Variants in DST observed in about 807,000 individuals in gnomAD.
DST encodes dystonin, also known as bullous pemphigoid antigen.
DST carries 253 observed loss-of-function variants against 875.2 expected under a neutral mutation model. The ratio of observed to expected loss-of-function variants is 0.29; its 90% CI spans 0.26 to 0.32. DST has a LOEUF of 0.32. Among genes scored for constraint, DST ranks in the 10% least tolerant of loss-of-function variants. The pLI is 1.00. For missense variants in DST, 8,287 were observed against 9,111.6 expected, an observed-to-expected ratio of 0.91 and a Z score of 3.68; for synonymous variants, 3,124 against 3,197.1, an observed-to-expected ratio of 0.98 and a Z score of 0.77.
At chr6:56,840,894 T>C (rs1472058148) in intron 4 of DST, among the ~76,000 whole-genome samples, 1 of 152,234 alleles carries the variant, frequency 6.6e-6, no homozygotes, top group Non-Finnish European at 1.5e-5. Context: ...ACTCAACAGC[T>C]GAGGCATATG....
chr6:56,871,776 T>TAAAAAAAAAAAAAAAAAAGA (rs1777243294), intron 3 of DST: 7 of 95,504 alleles, frequency 7.3e-5, no homozygotes, highest in Non-Finnish European at 1.1e-4. Flanking sequence ...CAATTAAAAG[T>TAAAAAAAAAAAAAAAAAAGA]AAAAAAAAAA....
chr6:56,909,102 C>T (rs1300177263), intron 2 of DST, among the ~76,000 whole-genome samples: 1 of 152,168 alleles, frequency 6.6e-6, no homozygotes, highest in South Asian at 2.1e-4. Flanking sequence ...CTCTGGGGGT[C>T]TCAATCAGGA....
At chr6:56,582,559 C>T (rs551328828) in intron 49 of DST, among the ~76,000 whole-genome samples, 10 of 152,096 alleles carry the variant, frequency 6.6e-5, no homozygotes, top group Admixed American at 5.9e-4. Flanking sequence ...GCCAACTAAA[C>T]TTCTTTTCTT....
intron 4 of DST, chr6:56,742,314 A>G (rs1242380912): frequency 7.8e-7 from 1 of 1,289,788 alleles, no homozygotes; most frequent in Admixed American, 2.3e-5. Flanking sequence ...TCCAATCTTG[A>G]TCATTTTTCA....
At chr6:56,873,991 C>T (rs1290363231) in intron 3 of DST, among the ~76,000 whole-genome samples, 1 of 152,084 alleles carries the variant, frequency 6.6e-6, no homozygotes, top group Non-Finnish European at 1.5e-5. Flanking sequence ...TAACTATAGT[C>T]CTACTACTTG....
At chr6:56,925,526 T>C (rs1015385235) in intron 2 of DST, among the ~76,000 whole-genome samples, 1 of 152,210 alleles carries the variant, frequency 6.6e-6, no homozygotes, top group Admixed American at 6.5e-5. Flanking sequence ...TATCTACATT[T>C]TGAGTGGGAA....
At chr6:56,529,033 G>C in intron 66 of DST, 108 bp from the exon 67 acceptor site, 1 of 746,260 alleles carries the variant, frequency 1.3e-6, no homozygotes, top group Non-Finnish European at 2.3e-6. Flanking sequence ...ACATATTTGA[G>C]TAAATATCTC....
At chr6:56,943,213 CTGTA>C (rs1817604131) in intron 2 of DST, among the ~76,000 whole-genome samples, 1 of 152,088 alleles carries the variant, frequency 6.6e-6, no homozygotes, top group Non-Finnish European at 1.5e-5. Flanking sequence ...ACTAATGTGA[CTGTA>C]AGTAAAACAC....
intron 4 of DST, among the ~76,000 whole-genome samples, chr6:56,805,153 TCA>T (rs1348261581): frequency 2.1e-4 from 32 of 152,274 alleles, no homozygotes; most frequent in African/African-American, 7.5e-4. Context: ...ATCATGTGCA[TCA>T]TGCAGTTTCT....
intron 10 of DST, among the ~76,000 whole-genome samples, chr6:56,655,557 G>A (rs1270204771): frequency 6.6e-6 from 1 of 152,242 alleles, no homozygotes; most frequent in East Asian, 1.9e-4. Context: ...TATTTATGTG[G>A]ATACAAACAG....
At chr6:56,923,461 G>A in intron 2 of DST, among the ~76,000 whole-genome samples, 1 of 108,204 alleles carries the variant, frequency 9.2e-6, no homozygotes, top group South Asian at 2.6e-4. Context: ...CCGGCTCACT[G>A]GCAAAAAAAA....
intron 2 of DST, among the ~76,000 whole-genome samples, chr6:56,905,708 G>T (rs1033865781): frequency 1.3e-5 from 2 of 151,438 alleles, no homozygotes; most frequent in Non-Finnish European, 2.9e-5. Flanking sequence ...AAGTGCAATG[G>T]CACAATCTCG....
rs1277492242 is a variant in DST, at chr6:56,597,822, T to C, written c.12113A>G (p.Asn4038Ser). 1.4e-5 allele frequency: 22 copies of C among 1,613,860 alleles called. No homozygotes were observed. Among genetic ancestry groups the C allele is most frequent in the Non-Finnish European group, 1.6e-5 (19 of 1,179,872 alleles). ...KSAIGEEDEV[N>S]GNLLETDVDG... ...AACATCAGTCTCCAACAGGTTACCA[T>C]TAACTTCATCCTCTTCTCCAATTGC... The change falls in exon 47 of 104, where the codon AAT (asparagine) becomes AGT (serine). Residue 4038 changes from asparagine (N) to serine (S), a missense_variant. Coordinates refer to ENST00000680361, the MANE Select transcript of DST (RefSeq NM_001374736.1).
chr6:56,897,819 G>T (rs1792188517), intron 3 of DST, among the ~76,000 whole-genome samples: 1 of 152,122 alleles, frequency 6.6e-6, no homozygotes, highest in Non-Finnish European at 1.5e-5. Flanking sequence ...TAAGAGAGCA[G>T]TATATTTATT....
At chr6:56,610,121 A>G (rs907326687) in intron 39 of DST, among the ~76,000 whole-genome samples, 12 of 152,168 alleles carry the variant, frequency 7.9e-5, no homozygotes, top group African/African-American at 2.9e-4. Flanking sequence ...TATAGCCTAT[A>G]ATATAATAAA....
At chr6:56,518,755 G>T (rs1463009935) in intron 69 of DST, among the ~76,000 whole-genome samples, 3 of 152,118 alleles carry the variant, frequency 2.0e-5, no homozygotes, top group Admixed American at 1.3e-4. Flanking sequence ...TCACTGAAAT[G>T]ACCTCAGTTG....
intron 2 of DST, among the ~76,000 whole-genome samples, chr6:56,916,971 C>A (rs1238313491): frequency 8.0e-6 from 1 of 124,864 alleles, no homozygotes. Flanking sequence ...GACTCGCCAT[C>A]AAGCCCCAGG....
rs2098510530 is a variant in DST, at chr6:56,607,668, T to C, written c.6960A>G (p.Gly2320=). ...CAATTGATATTGTACTTGCCAGTTT[T>C]CCTGACTGAGAAAATTCACTATTGA... ...TVINSEFSQS[G]KLASTISIDP... The change falls in exon 40 of 104, where the codon GGA becomes GGG. Residue 2320 remains glycine (G), a synonymous_variant. Coordinates refer to ENST00000680361, the MANE Select transcript of DST (RefSeq NM_001374736.1). The C allele has an allele frequency of 1.1e-5, 17 of 1,613,520 alleles. No individual in the cohort carries two copies. Among genetic ancestry groups the C allele is most frequent in the Admixed American group, 1.7e-5 (1 of 59,920 alleles).
chr6:56,518,721 C>T (rs955865453), intron 69 of DST, among the ~76,000 whole-genome samples: 5 of 152,104 alleles, frequency 3.3e-5, no homozygotes, highest in Non-Finnish European at 7.4e-5. Flanking sequence ...GGGCCTGTGA[C>T]ACCACAGTAC....
Sources: gnomAD v4.1 joint callset for allele counts (sites outside exome capture counted in the v4.1 genomes callset) on GRCh38, gnomAD v4.1.1 for gene constraint, MANE v1.5 for transcripts, NCBI Gene and HGNC (gene_info 2026-07-23, HGNC 2026-07-21) for gene names.